CCDC7: variants seen among roughly 807,000 people sequenced by gnomAD.
CCDC7 encodes coiled-coil domain-containing protein 7.
Under a neutral mutation model 196.9 loss-of-function variants are expected in CCDC7, and 183 were observed. The observed-to-expected ratio is 0.93, with a 90% CI of 0.82 to 1.05. The LOEUF (loss-of-function observed/expected upper bound fraction) is 1.05. CCDC7 is among the 50% of genes least tolerant of loss of function. The pLI, the probability that CCDC7 is intolerant of heterozygous loss-of-function variation, is 0.00. For missense variants in CCDC7, 1,540 were observed against 1,482.2 expected (o/e 1.04, Z -0.64); for synonymous variants, 525 against 484.6 (o/e 1.08, Z -1.10).
At chr10:32,780,017 T>C (rs1287501174) in intron 29 of CCDC7, among the ~76,000 whole-genome samples, 2 of 152,100 alleles carry the variant, frequency 1.3e-5, no homozygotes, top group Non-Finnish European at 2.9e-5. Context: ...GGCAGGTAGA[T>C]CACGAGGTCA....
At chr10:32,841,455 A>G (rs1039754429) in intron 33 of CCDC7, among the ~76,000 whole-genome samples, 67 of 152,080 alleles carry the variant, frequency 4.4e-4, no homozygotes, top group Non-Finnish European at 7.7e-4. Flanking sequence ...TACTTAACCA[A>G]GGACGTGAAA....
chr10:32,685,953 G>C lies in CCDC7; in HGVS notation c.2123-17G>C, dbSNP rs2076420097. 2 of 1,247,146 alleles carry C rather than the reference G, an allele frequency of 1.6e-6. No homozygotes were observed. The highest frequency in any genetic ancestry group is 2.2e-6 in the Non-Finnish European group (2 of 895,458). The allele number at this position is 1,247,146 out of a possible 1,614,324, so 77.3% of individuals were successfully genotyped here. A position where few individuals can be genotyped will look rare whatever the true frequency, so the allele number is the denominator to read the frequency against. On this transcript the variant is annotated splice_polypyrimidine_tract_variant and intron_variant, in intron 21 of 41. Transcript: ENST00000639629. Reference sequence around the variant, plus strand: ...CATTTTTCTATTTAGTGGAATAAATGTATTTTCTTTATGTAGCTCATAATG... The same window carrying C: ...CATTTTTCTATTTAGTGGAATAAATCTATTTTCTTTATGTAGCTCATAATG...
At chr10:32,750,085 T>C (rs1200493651) in intron 28 of CCDC7, among the ~76,000 whole-genome samples, 1 of 152,222 alleles carries the variant, frequency 6.6e-6, no homozygotes, top group African/African-American at 2.4e-5. Flanking sequence ...CTAATAGTTT[T>C]ACCATTTCAG....
intron 17 of CCDC7, 142 bp downstream of exon 18, chr10:32,583,449 CT>C: frequency 2.2e-6 from 1 of 458,194 alleles, no homozygotes; most frequent in Non-Finnish European, 3.5e-6. Flanking sequence ...ACACAACCCA[CT>C]TTATATTTAG....
chr10:32,881,327 T>C (rs535781223), downstream of CCDC7, among the ~76,000 whole-genome samples: 44 of 152,248 alleles, frequency 2.9e-4, no homozygotes, highest in South Asian at 6.2e-4. Flanking sequence ...AGCACTGGGG[T>C]GGCAAATAAA....
upstream of CCDC7, among the ~76,000 whole-genome samples, chr10:32,446,807 G>A (rs12761206): frequency 0.14 from 20,951 of 151,852 alleles, 1,759 homozygotes; most frequent in East Asian, 0.25. Flanking sequence ...TATTCATTGC[G>A]TGTGACTATT....
At chr10:32,535,078 C>A (rs2050258707) in intron 11 of CCDC7, among the ~76,000 whole-genome samples, 1 of 151,248 alleles carries the variant, frequency 6.6e-6, no homozygotes, top group Non-Finnish European at 1.5e-5. Flanking sequence ...ATGTGGAAGT[C>A]CGATTTTCCT....
In CCDC7 at chr10:32,702,935, A is replaced by G. The variant is rs1228591555; in HGVS notation, c.2458+7943A>G. ...TCTGCACGTGAGATGGGTTTCCTGAATACAGCACACTGATGGGTCTTGACT... is the reference window on the plus strand; with the variant it reads ...TCTGCACGTGAGATGGGTTTCCTGAGTACAGCACACTGATGGGTCTTGACT... On this transcript the variant is annotated intron_variant, in intron 24 of 41. Transcript: ENST00000639629. Among the ~76,000 whole-genome samples, 4 of 152,142 alleles carry G rather than the reference A, an allele frequency of 2.6e-5. No individual in the cohort carries two copies. In the East Asian group the frequency reaches 5.8e-4, roughly 22 times the overall value.
At chr10:32,821,302 T>C (rs1347280988) in intron 31 of CCDC7, among the ~76,000 whole-genome samples, 1 of 151,920 alleles carries the variant, frequency 6.6e-6, no homozygotes, top group Non-Finnish European at 1.5e-5. Context: ...CATTAAAAAG[T>C]CAGGAAACAA....
intron 21 of CCDC7, among the ~76,000 whole-genome samples, chr10:32,674,974 A>C (rs1054969932): frequency 3.9e-5 from 6 of 151,972 alleles, no homozygotes; most frequent in African/African-American, 1.5e-4. Flanking sequence ...CGTCACTTTT[A>C]GTTCAGTTTG....
intron 22 of CCDC7, among the ~76,000 whole-genome samples, 173 bp from the exon 24 acceptor site, chr10:32,688,880 C>T (rs746373106): frequency 1.3e-5 from 2 of 152,188 alleles, no homozygotes; most frequent in Non-Finnish European, 2.9e-5. Flanking sequence ...TTTCAACACA[C>T]ACCCATTGAA....
chr10:32,646,733 C>G (rs2067834905), intron 20 of CCDC7, among the ~76,000 whole-genome samples: 1 of 152,142 alleles, frequency 6.6e-6, no homozygotes, highest in African/African-American at 2.4e-5. Flanking sequence ...AAACCCACCA[C>G]CACCTTCCAC....
At chr10:32,635,253 A>G (rs2065443630) in intron 20 of CCDC7, 95 bp downstream of exon 21, 1 of 388,344 alleles carries the variant, frequency 2.6e-6, no homozygotes, top group Non-Finnish European at 4.5e-6. Context: ...TTTTTTTGTA[A>G]TTATTTTGTG....
At chr10:32,549,017 G>A (rs1229926799) in intron 13 of CCDC7, among the ~76,000 whole-genome samples, 1 of 152,108 alleles carries the variant, frequency 6.6e-6, no homozygotes, top group East Asian at 1.9e-4. Flanking sequence ...GTACTAGTTT[G>A]TGTTCCCACC....
chr10:32,587,843 A>G (rs1185983562), intron 18 of CCDC7, among the ~76,000 whole-genome samples: 1 of 152,196 alleles, frequency 6.6e-6, no homozygotes, highest in Non-Finnish European at 1.5e-5. Flanking sequence ...CTTAAGAGGA[A>G]AATTTTCAGT....
chr10:32,710,724 A>G (rs2080681780), intron 24 of CCDC7, among the ~76,000 whole-genome samples: 1 of 152,116 alleles, frequency 6.6e-6, no homozygotes, highest in Non-Finnish European at 1.5e-5. Flanking sequence ...TCTCCCACAA[A>G]TGCCCTGGGG....
chr10:32,730,834 AG>A (rs1389675059), intron 28 of CCDC7, among the ~76,000 whole-genome samples: 1 of 152,040 alleles, frequency 6.6e-6, no homozygotes, highest in African/African-American at 2.4e-5. Context: ...GCTGCTAGAA[AG>A]AAGAGATTCC....
intron 28 of CCDC7, among the ~76,000 whole-genome samples, chr10:32,732,795 A>G (rs1044845444): frequency 6.6e-6 from 1 of 152,128 alleles, no homozygotes; most frequent in Non-Finnish European, 1.5e-5. Context: ...ATTTTGTAGC[A>G]ACTCTCTTTG....
chr10:32,496,965 G>A (rs1419573498), intron 9 of CCDC7, among the ~76,000 whole-genome samples: 2 of 152,168 alleles, frequency 1.3e-5, no homozygotes, highest in Non-Finnish European at 2.9e-5. Context: ...CAGAAGGAAT[G>A]GTACCAGCTC....
Sources: gnomAD v4.1 joint callset for allele counts (sites outside exome capture counted in the v4.1 genomes callset) on GRCh38, gnomAD v4.1.1 for gene constraint, MANE v1.5 for transcripts, NCBI Gene and HGNC (gene_info 2026-07-23, HGNC 2026-07-21) for gene names.